Variants in SOX5 observed in about 807,000 individuals in gnomAD.
SOX5 encodes the protein SRY-box transcription factor 5.
SOX5 carries 9 observed loss-of-function variants against 92.0 expected under a neutral mutation model. The ratio of observed to expected loss-of-function variants is 0.10; its 90% CI spans 0.06 to 0.17. The LOEUF (loss-of-function observed/expected upper bound fraction) is 0.17, where lower values mean the gene tolerates loss of function less well. Ranked by LOEUF, SOX5 falls within the 10% of genes least tolerant of loss-of-function variation. The pLI is 1.00. For missense variants in SOX5, 642 were observed against 944.5 expected (o/e 0.68, Z 4.20); for synonymous variants, 344 against 336.3 (o/e 1.02, Z -0.25).
intron 2 of SOX5, chr12:24,368,285 G>A (rs1344446018): frequency 6.6e-6 from 1 of 152,180 alleles, no homozygotes; most frequent in Non-Finnish European, 1.5e-5. Context: ...ACACACAAGT[G>A]TAGGAAGTAC....
At chr12:23,788,423 G>T (rs1478336125) in intron 3 of SOX5, among the ~76,000 whole-genome samples, 1 of 151,732 alleles carries the variant, frequency 6.6e-6, no homozygotes, top group Non-Finnish European at 1.5e-5. Flanking sequence ...CTCATTAATG[G>T]AACACTTGAT....
chr12:24,296,410 T>A (rs1947254701), intron 2 of SOX5, among the ~76,000 whole-genome samples: 1 of 152,214 alleles, frequency 6.6e-6, no homozygotes, highest in Non-Finnish European at 1.5e-5. Flanking sequence ...TCTGCAGTGT[T>A]TCTCTAAAAC....
intron 4 of SOX5, among the ~76,000 whole-genome samples, chr12:24,152,643 A>C (rs1470131171): frequency 1.3e-5 from 2 of 152,188 alleles, no homozygotes; most frequent in Non-Finnish European, 2.9e-5. Context: ...ACATGAACAC[A>C]TTCGATTTAT....
chr12:24,171,383 C>A (rs1036291036), intron 4 of SOX5, among the ~76,000 whole-genome samples: 21 of 151,578 alleles, frequency 1.4e-4, no homozygotes, highest in African/African-American at 5.1e-4. Flanking sequence ...GCCACCGCAC[C>A]CGGCTAATTT....
chr12:24,471,858 A>G (rs1161945158), intron 1 of SOX5, among the ~76,000 whole-genome samples: 1 of 130,884 alleles, frequency 7.6e-6, no homozygotes, highest in Non-Finnish European at 1.7e-5. Context: ...TAGTCAGTTG[A>G]AAAAAAAAAA....
intron 1 of SOX5, among the ~76,000 whole-genome samples, chr12:24,538,833 G>A (rs774386627): frequency 2.0e-5 from 3 of 152,028 alleles, no homozygotes; most frequent in Non-Finnish European, 4.4e-5. Flanking sequence ...TTAAAATATG[G>A]TCTTTCTAAA....
intron 4 of SOX5, among the ~76,000 whole-genome samples, chr12:24,202,144 G>A (rs908736339): frequency 2.0e-5 from 3 of 152,114 alleles, no homozygotes; most frequent in Non-Finnish European, 4.4e-5. Flanking sequence ...GTATCCCCGG[G>A]GTTTACACAG....
intron 2 of SOX5, among the ~76,000 whole-genome samples, chr12:24,318,557 C>T (rs1240887810): frequency 6.6e-6 from 1 of 152,186 alleles, no homozygotes; most frequent in Non-Finnish European, 1.5e-5. Flanking sequence ...CTTTGTTATT[C>T]TGGCTTATCC....
At chr12:24,079,541 GTATT>G (rs1943075900) in intron 4 of SOX5, among the ~76,000 whole-genome samples, 3 of 151,826 alleles carry the variant, frequency 2.0e-5, no homozygotes, top group South Asian at 4.1e-4. Context: ...CAGTAATTTG[GTATT>G]TATTCACAAA....
intron 4 of SOX5, among the ~76,000 whole-genome samples, chr12:24,132,608 C>G (rs1168215980): frequency 6.6e-6 from 1 of 151,944 alleles, no homozygotes; most frequent in African/African-American, 2.4e-5. Context: ...TTTTAAGAAG[C>G]AACTCTAGGA....
intron 2 of SOX5, among the ~76,000 whole-genome samples, chr12:24,356,339 T>A (rs1005331363): frequency 3.3e-5 from 5 of 152,288 alleles, no homozygotes; most frequent in African/African-American, 1.2e-4. Flanking sequence ...AGTGAGTTAT[T>A]TTTTGTCTGA....
At chr12:23,991,858 A>T (rs1950589997) in intron 4 of SOX5, among the ~76,000 whole-genome samples, 1 of 152,086 alleles carries the variant, frequency 6.6e-6, no homozygotes, top group Admixed American at 6.6e-5. Flanking sequence ...AGCCAAATCT[A>T]TAATTCTGAT....
intron 2 of SOX5, among the ~76,000 whole-genome samples, chr12:24,352,018 G>A (rs2141174357): frequency 6.6e-6 from 1 of 152,214 alleles, no homozygotes; most frequent in East Asian, 1.9e-4. Flanking sequence ...CAGAGGAAGA[G>A]AGCTGCCTAT....
At chr12:24,532,281 C>T (rs1401723259) in intron 1 of SOX5, among the ~76,000 whole-genome samples, 1 of 152,168 alleles carries the variant, frequency 6.6e-6, no homozygotes, top group Non-Finnish European at 1.5e-5. Context: ...CCTTAAGGTC[C>T]TACTACTTGG....
intron 4 of SOX5, among the ~76,000 whole-genome samples, chr12:23,997,158 G>A (rs1318569215): frequency 6.6e-6 from 1 of 152,088 alleles, no homozygotes; most frequent in Non-Finnish European, 1.5e-5. Context: ...AATCTGTTAA[G>A]CCTCAGAAAA....
upstream of SOX5, among the ~76,000 whole-genome samples, chr12:23,950,589 C>T (rs1459985809): frequency 6.6e-6 from 1 of 152,132 alleles, no homozygotes; most frequent in East Asian, 1.9e-4. Context: ...AACAAAAAGA[C>T]GGTACTAACA....
In SOX5 at chr12:23,662,585, T is replaced by TA. The variant is rs1195707912; in HGVS notation, c.931+2858dup. 3.3e-5 allele frequency among the ~76,000 whole-genome samples: 5 copies of TA among 152,190 alleles called. No homozygotes were observed. In the East Asian group the frequency reaches 9.6e-4, roughly 29 times the overall value. ...CCATTCCACACCATATTTCAGCTGT[T>TA]ATATATTTCTTAAAGAAAAAACGAT... On this transcript the variant is annotated intron_variant, in intron 7 of 14. Transcript: ENST00000451604.
chr12:24,251,105 G>A (rs1450038884), intron 3 of SOX5, among the ~76,000 whole-genome samples: 5 of 152,236 alleles, frequency 3.3e-5, no homozygotes, highest in Non-Finnish European at 7.3e-5. Flanking sequence ...CAGGCTGAGT[G>A]AGACAGCTGA....
intron 3 of SOX5, among the ~76,000 whole-genome samples, chr12:23,800,007 C>T (rs2095633081): frequency 6.6e-6 from 1 of 151,812 alleles, no homozygotes; most frequent in Non-Finnish European, 1.5e-5. Context: ...GTCATTGGCT[C>T]AAATAACAGT....
Sources: gnomAD v4.1 joint callset for allele counts (sites outside exome capture counted in the v4.1 genomes callset) on GRCh38, gnomAD v4.1.1 for gene constraint, MANE v1.5 for transcripts, NCBI Gene and HGNC (gene_info 2026-07-23, HGNC 2026-07-21) for gene names.